The following DIAPH2 variants were observed in gnomAD, a reference collection of about 807,000 sequenced individuals.
DIAPH2 encodes protein diaphanous homolog 2.
Under a neutral mutation model 92.7 loss-of-function variants are expected in DIAPH2, and 35 were observed. The observed-to-expected ratio is 0.38, with a 90% CI of 0.29 to 0.50. DIAPH2 has a LOEUF of 0.50. DIAPH2 is among the 20% of genes least tolerant of loss of function. The pLI, the probability that DIAPH2 is intolerant of heterozygous loss-of-function variation, is 0.94. For missense variants in DIAPH2, 701 were observed against 819.5 expected, an observed-to-expected ratio of 0.86 and a Z score of 1.77; for synonymous variants, 301 against 280.4, an observed-to-expected ratio of 1.07 and a Z score of -0.73.
At chrX:97,220,866 T>A (rs2067919133) in intron 22 of DIAPH2, among the ~76,000 whole-genome samples, 1 of 111,902 alleles carries the variant, frequency 8.9e-6, no homozygotes, top group African/African-American at 3.3e-5. Flanking sequence ...GTAATTAATC[T>A]ATGGAAATGT....
chrX:97,403,866 T>C (rs890952781), intron 25 of DIAPH2, among the ~76,000 whole-genome samples: 1 of 109,726 alleles, frequency 9.1e-6, no homozygotes, highest in African/African-American at 3.3e-5. Flanking sequence ...TTTTTTTTTT[T>C]TTTGAGACAG....
intron 17 of DIAPH2, among the ~76,000 whole-genome samples, chrX:97,018,006 A>T (rs1020533085): frequency 8.9e-6 from 1 of 112,274 alleles, no homozygotes; most frequent in African/African-American, 3.2e-5. Context: ...TGCTTGCAAA[A>T]CATGTTGGAA....
At chrX:97,073,802 A>C in intron 18 of DIAPH2, among the ~76,000 whole-genome samples, 1 of 112,551 alleles carries the variant, frequency 8.9e-6, no homozygotes, top group South Asian at 3.7e-4. Context: ...TAAACAAAAC[A>C]TCATTCTCAT....
chrX:97,430,476 A>G (rs1237535822), intron 26 of DIAPH2, among the ~76,000 whole-genome samples: 1 of 112,353 alleles, frequency 8.9e-6, no homozygotes, highest in Non-Finnish European at 1.9e-5. Context: ...AAAGTTTTCT[A>G]TTTGTAGCTC....
At chrX:97,584,041 G>A (rs1453587547) in intron 26 of DIAPH2, among the ~76,000 whole-genome samples, 6 of 112,550 alleles carry the variant, frequency 5.3e-5, no homozygotes, top group African/African-American at 1.9e-4. Context: ...CTCGCGCACG[G>A]TGCGTGCACC....
At chrX:96,715,901 CTT>C (rs768592472) in intron 1 of DIAPH2, among the ~76,000 whole-genome samples, 8 of 99,817 alleles carry the variant, frequency 8.0e-5, no homozygotes, top group South Asian at 4.4e-4. Flanking sequence ...TTGGTTTAAT[CTT>C]TTTTTTTTTT....
chrX:97,127,066 A>G (rs1043563610), intron 21 of DIAPH2, among the ~76,000 whole-genome samples: 1 of 112,296 alleles, frequency 8.9e-6, no homozygotes, highest in South Asian at 3.6e-4. Context: ...AATTTTTTGG[A>G]TAAAATCAAT....
intron 4 of DIAPH2, among the ~76,000 whole-genome samples, chrX:96,837,079 G>A (rs2064900194): frequency 9.0e-6 from 1 of 110,655 alleles, no homozygotes; most frequent in African/African-American, 3.3e-5. Context: ...TAGTGGTGAA[G>A]TAAAATTCAC....
At chrX:97,018,956 G>A (rs907032538) in intron 17 of DIAPH2, among the ~76,000 whole-genome samples, 5 of 111,330 alleles carry the variant, frequency 4.5e-5, no homozygotes, top group African/African-American at 6.5e-5. Context: ...TCATTTTTCT[G>A]TCTTCATGGT....
chrX:97,551,312 G>A (rs964421336), intron 26 of DIAPH2, among the ~76,000 whole-genome samples: 4 of 111,356 alleles, frequency 3.6e-5, no homozygotes, highest in Non-Finnish European at 7.5e-5. Context: ...TGCAGTGTTC[G>A]GGAGTGGTGG....
At chrX:97,065,371 A>G (rs966154211) in intron 17 of DIAPH2, among the ~76,000 whole-genome samples, 1 of 111,666 alleles carries the variant, frequency 9.0e-6, no homozygotes, top group Non-Finnish European at 1.9e-5. Flanking sequence ...ATAGTCATGT[A>G]CCACAAAACG....
chrX:96,770,638 C>G (rs1203153522), intron 4 of DIAPH2, among the ~76,000 whole-genome samples: 1 of 111,105 alleles, frequency 9.0e-6, no homozygotes, highest in Non-Finnish European at 1.9e-5. Context: ...ATAGTTGCTA[C>G]TGTAAAATAT....
chrX:96,757,960 A>G (rs1380196005), intron 3 of DIAPH2, among the ~76,000 whole-genome samples, 194 bp from the exon 4 acceptor site: 2 of 112,107 alleles, frequency 1.8e-5, no homozygotes, highest in Non-Finnish European at 3.8e-5. Context: ...CCGTGAATAC[A>G]TGGTAGAATT....
intron 26 of DIAPH2, among the ~76,000 whole-genome samples, chrX:97,509,202 A>G (rs931022658): frequency 2.0e-4 from 22 of 109,073 alleles, no homozygotes; most frequent in African/African-American, 6.6e-4. Context: ...GTGCACCACC[A>G]TGCCTGGCTA....
At chrX:97,316,636 A>G (rs2068843308) in intron 23 of DIAPH2, among the ~76,000 whole-genome samples, 1 of 111,663 alleles carries the variant, frequency 9.0e-6, no homozygotes, top group Non-Finnish European at 1.9e-5. Flanking sequence ...ATCCCGGGCC[A>G]TAGAGGGAGA....
intron 22 of DIAPH2, among the ~76,000 whole-genome samples, chrX:97,215,610 G>T (rs1483364777): frequency 9.0e-6 from 1 of 111,394 alleles, no homozygotes; most frequent in African/African-American, 3.3e-5. Context: ...TGCCCCTTTA[G>T]CCATGAGACT....
chrX:97,258,403 G>A (rs189078770), intron 23 of DIAPH2, among the ~76,000 whole-genome samples: 22 of 110,584 alleles, frequency 2.0e-4, no homozygotes, highest in Admixed American at 1.7e-3. Flanking sequence ...GTGAAACCCC[G>A]TCTCTACTAA....
At chrX:97,229,935 A>G (rs1315159556) in intron 22 of DIAPH2, among the ~76,000 whole-genome samples, 1 of 107,587 alleles carries the variant, frequency 9.3e-6, no homozygotes, top group Non-Finnish European at 1.9e-5. Flanking sequence ...TATATATAAT[A>G]GCAAAAGCCT....
chrX:96,827,142 A>G (rs1207603907), intron 4 of DIAPH2, among the ~76,000 whole-genome samples: 1 of 112,562 alleles, frequency 8.9e-6, no homozygotes, highest in Non-Finnish European at 1.9e-5. Flanking sequence ...TATTGGTATA[A>G]AGCAGGAAAT....
Sources: allele counts gnomAD v4.1 joint callset (sites outside exome capture counted in the v4.1 genomes callset), GRCh38; gene constraint gnomAD v4.1.1; transcripts MANE v1.5; gene names NCBI Gene and HGNC (gene_info 2026-07-23, HGNC 2026-07-21).